Variants in PCDH15 observed in about 807,000 individuals in gnomAD.
The protein encoded by PCDH15 is protocadherin related 15, also known as protocadherin-15.
A neutral mutation model predicts 178.5 loss-of-function variants in PCDH15; 129 were observed. That is an observed-to-expected ratio of 0.72 (90% CI 0.63 to 0.84). The LOEUF (loss-of-function observed/expected upper bound fraction) is 0.84, where lower values mean the gene tolerates loss of function less well. PCDH15 is among the 40% of genes least tolerant of loss of function. The pLI, the probability that PCDH15 is intolerant of heterozygous loss-of-function variation, is 0.00. For missense variants in PCDH15, 2,230 were observed against 2,099.9 expected (o/e 1.06, Z -1.21); for synonymous variants, 800 against 732.0 (o/e 1.09, Z -1.50).
chr10:54,434,585 G>T (rs1209312868), intron 3 of PCDH15, among the ~76,000 whole-genome samples: 1 of 152,196 alleles, frequency 6.6e-6, no homozygotes, highest in East Asian at 1.9e-4. Context: ...GTGTGTAGCA[G>T]GCTATAACAT....
intron 2 of PCDH15, among the ~76,000 whole-genome samples, chr10:55,557,873 G>A (rs1009443615): frequency 2.0e-5 from 3 of 152,048 alleles, no homozygotes; most frequent in Non-Finnish European, 4.4e-5. Context: ...TTTACTTAGT[G>A]GTCTGGGTAT....
intron 2 of PCDH15, among the ~76,000 whole-genome samples, chr10:55,486,591 T>C (rs950833801): frequency 6.6e-6 from 1 of 151,654 alleles, no homozygotes; most frequent in Non-Finnish European, 1.5e-5. Flanking sequence ...GTAATGAACA[T>C]TGATTCCTTT....
chr10:54,356,110 G>C (rs1223280654), intron 5 of PCDH15, among the ~76,000 whole-genome samples: 1 of 151,894 alleles, frequency 6.6e-6, no homozygotes, highest in African/African-American at 2.4e-5. Context: ...AATACAGAAG[G>C]GAAAGCTGGA....
chr10:55,307,008 A>ATATATACATATATGTG (rs1843443776), intron 1 of PCDH15, among the ~76,000 whole-genome samples: 2 of 151,970 alleles, frequency 1.3e-5, no homozygotes, highest in African/African-American at 4.8e-5. Context: ...ACATATATGT[A>ATATATACATATATGTG]TATATACATT....
At chr10:53,925,528 T>C (rs1320308601) in intron 25 of PCDH15, among the ~76,000 whole-genome samples, 1 of 152,098 alleles carries the variant, frequency 6.6e-6, no homozygotes, top group Non-Finnish European at 1.5e-5. Flanking sequence ...ACCCACCAAT[T>C]CCAGACACAG....
At chr10:54,069,720 A>G (rs970448618) in intron 17 of PCDH15, among the ~76,000 whole-genome samples, 3 of 152,114 alleles carry the variant, frequency 2.0e-5, no homozygotes, top group Admixed American at 2.0e-4. Context: ...ATTTTTCTTG[A>G]TTGGTTCAGA....
At chr10:55,121,331 AC>A (rs1219062196) in intron 2 of PCDH15, among the ~76,000 whole-genome samples, 3 of 143,598 alleles carry the variant, frequency 2.1e-5, no homozygotes, top group Admixed American at 1.4e-4. Context: ...GAAGTGTATT[AC>A]TTGTTTGGTT....
At chr10:55,601,866 C>T (rs1340307782) in intron 2 of PCDH15, among the ~76,000 whole-genome samples, 2 of 151,970 alleles carry the variant, frequency 1.3e-5, no homozygotes, top group Admixed American at 1.3e-4. Flanking sequence ...TTATAAAATA[C>T]ACACACACGG....
intron 3 of PCDH15, among the ~76,000 whole-genome samples, chr10:54,859,608 C>T (rs1953805307): frequency 6.6e-6 from 1 of 151,898 alleles, no homozygotes; most frequent in African/African-American, 2.4e-5. Context: ...TTTGTTCAGT[C>T]AAATATAGAG....
intron 2 of PCDH15, among the ~76,000 whole-genome samples, chr10:55,529,466 T>A (rs1841393077): frequency 6.6e-6 from 1 of 151,884 alleles, no homozygotes; most frequent in Non-Finnish European, 1.5e-5. Flanking sequence ...TCCTCCTGCC[T>A]TGGCCTCCCA....
chr10:55,482,382 G>C (rs541237310), intron 2 of PCDH15, among the ~76,000 whole-genome samples: 24 of 151,822 alleles, frequency 1.6e-4, no homozygotes, highest in African/African-American at 5.8e-4. Flanking sequence ...TTGTTATCTT[G>C]CAGACTTGTT....
intron 2 of PCDH15, among the ~76,000 whole-genome samples, chr10:55,130,551 G>T (rs1249558641): frequency 6.6e-6 from 1 of 152,004 alleles, no homozygotes; most frequent in Non-Finnish European, 1.5e-5. Context: ...ACATAATGCT[G>T]GGCTAATTAT....
intron 2 of PCDH15, among the ~76,000 whole-genome samples, chr10:54,998,627 A>G (rs1171665673): frequency 1.3e-5 from 2 of 152,192 alleles, no homozygotes; most frequent in African/African-American, 4.8e-5. Flanking sequence ...AATAAGAAAT[A>G]TTGTAAAGAA....
At chr10:54,878,396 C>T (rs190697114) in intron 3 of PCDH15, among the ~76,000 whole-genome samples, 2 of 152,090 alleles carry the variant, frequency 1.3e-5, no homozygotes, top group Non-Finnish European at 1.5e-5. Context: ...TTTACAAATA[C>T]AAATATGCAG....
At chr10:55,168,131 T>G (rs1388431149) in intron 1 of PCDH15, among the ~76,000 whole-genome samples, 1 of 152,128 alleles carries the variant, frequency 6.6e-6, no homozygotes, top group East Asian at 1.9e-4. Flanking sequence ...CAATAAAATT[T>G]AAGCTTAATA....
At chr10:54,394,041 G>C (rs1331044149) in intron 3 of PCDH15, among the ~76,000 whole-genome samples, 1 of 151,516 alleles carries the variant, frequency 6.6e-6, no homozygotes, top group African/African-American at 2.4e-5. Context: ...GAAAAAGGAA[G>C]GTGAAGGAAA....
At chr10:55,348,623 G>T (rs1844825697) in intron 2 of PCDH15, among the ~76,000 whole-genome samples, 1 of 152,144 alleles carries the variant, frequency 6.6e-6, no homozygotes, top group Non-Finnish European at 1.5e-5. Context: ...GCTTGTCTGT[G>T]AAATATAAGA....
intron 1 of PCDH15, among the ~76,000 whole-genome samples, chr10:55,231,832 T>G (rs946542450): frequency 6.6e-6 from 1 of 151,972 alleles, no homozygotes; most frequent in Non-Finnish European, 1.5e-5. Flanking sequence ...CAAAAATAAT[T>G]TATTACTAAA....
At chr10:54,018,847 A>G (rs992375390) in intron 20 of PCDH15, among the ~76,000 whole-genome samples, 3 of 152,092 alleles carry the variant, frequency 2.0e-5, no homozygotes, top group Admixed American at 2.0e-4. Context: ...ATCTATAGTC[A>G]CTTGGTAAAA....
Sources: allele counts gnomAD v4.1 joint callset (sites outside exome capture counted in the v4.1 genomes callset), GRCh38; gene constraint gnomAD v4.1.1; transcripts MANE v1.5; gene names NCBI Gene and HGNC (gene_info 2026-07-23, HGNC 2026-07-21).